Variants in PAK1 observed in about 807,000 individuals in gnomAD.
PAK1 encodes serine/threonine-protein kinase PAK 1.
PAK1 carries 29 observed loss-of-function variants against 67.4 expected under a neutral mutation model. The ratio of observed to expected loss-of-function variants is 0.43; its 90% CI spans 0.32 to 0.59. The LOEUF (loss-of-function observed/expected upper bound fraction) is 0.59. PAK1 is among the 20% of genes least tolerant of loss of function. The pLI, the probability that PAK1 is intolerant of heterozygous loss-of-function variation, is 0.07. For missense variants in PAK1, 337 were observed against 670.7 expected (o/e 0.50, Z 5.50); for synonymous variants, 223 against 237.4 (o/e 0.94, Z 0.56).
chr11:77,340,723 A>G lies in PAK1; in HGVS notation c.1039T>C (p.Leu347=). The G allele has an allele frequency of 6.2e-7, 1 of 1,610,128 alleles. No homozygotes were observed. Residue 347 remains leucine, a synonymous_variant, in exon 11 of 15, where the codon TTG becomes CTG. Transcript: ENST00000356341. ...GDELWVVMEY[L]AGGSLTDVVT... is the part of the protein sequence containing the mutation. The stretch of plus-strand genomic sequence containing the variant: ...ACATCTGTCAAGGAGCCTCCAGCCA[A>G]GTATTCCATAACAACCCACAGCTCA...
intron 1 of PAK1, among the ~76,000 whole-genome samples, chr11:77,457,358 T>A (rs1399011855): frequency 6.6e-6 from 1 of 152,186 alleles, no homozygotes; most frequent in African/African-American, 2.4e-5. Flanking sequence ...CAACTTCTGT[T>A]TCCATGGTTT....
intron 2 of PAK1, among the ~76,000 whole-genome samples, chr11:77,385,836 C>T (rs1310569099): frequency 6.6e-6 from 1 of 151,726 alleles, no homozygotes; most frequent in Non-Finnish European, 1.5e-5. Context: ...CTAGCCCGGA[C>T]AACAGAGCGT....
chr11:77,323,429 CAT>C (rs1208355146), intron 14 of PAK1, 69 bp from the exon 15 acceptor site: 4 of 1,017,472 alleles, frequency 3.9e-6, no homozygotes, highest in Non-Finnish European at 6.2e-6. Context: ...CATTACAAGA[CAT>C]AAAGGCATCT....
At chr11:77,394,063 G>A (rs1951515791) in intron 1 of PAK1, among the ~76,000 whole-genome samples, 2 of 152,132 alleles carry the variant, frequency 1.3e-5, no homozygotes. Context: ...TAATGAAAAT[G>A]TTATTATCTT....
intron 1 of PAK1, among the ~76,000 whole-genome samples, chr11:77,406,051 A>G (rs1321205957): frequency 6.6e-6 from 1 of 151,964 alleles, no homozygotes; most frequent in Non-Finnish European, 1.5e-5. Context: ...GTCTACTCCT[A>G]CCTCGTTTGC....
chr11:77,347,020 T>C, intron 9 of PAK1: 2 of 456,166 alleles, frequency 4.4e-6, no homozygotes, highest in African/African-American at 4.0e-5. Context: ...TAACCCCCAA[T>C]AAGCAAGAAC....
intron 1 of PAK1, among the ~76,000 whole-genome samples, chr11:77,471,725 G>A (rs1382453574): frequency 1.3e-5 from 2 of 152,190 alleles, no homozygotes; most frequent in Non-Finnish European, 2.9e-5. Context: ...GTCAGGGGTA[G>A]GGGGCGCTGA....
intron 8 of PAK1, among the ~76,000 whole-genome samples, chr11:77,350,171 C>A (rs113286085): frequency 0.024 from 3,597 of 152,132 alleles, 151 homozygotes; most frequent in African/African-American, 0.081. Flanking sequence ...TCATTTATTC[C>A]ATCAACAGGA....
chr11:77,478,404 T>C (rs1009189671), upstream of PAK1, among the ~76,000 whole-genome samples: 14 of 152,162 alleles, frequency 9.2e-5, no homozygotes, highest in African/African-American at 3.4e-4. Context: ...CTTCTTACAC[T>C]TTCTTTGACC....
chr11:77,410,318 C>T (rs1954315145), intron 1 of PAK1, among the ~76,000 whole-genome samples: 1 of 152,048 alleles, frequency 6.6e-6, no homozygotes, highest in Admixed American at 6.5e-5. Context: ...CTTGCTGCCC[C>T]ACCACCACCA....
chr11:77,499,412 T>C, the PAK1 span, among the ~76,000 whole-genome samples: 73 of 152,274 alleles, frequency 4.8e-4, no homozygotes, highest in African/African-American at 1.7e-3. Flanking sequence ...TACATGTAAA[T>C]AAATATATTT....
chr11:77,357,887 T>C (rs2136559987), intron 6 of PAK1, among the ~76,000 whole-genome samples: 1 of 150,462 alleles, frequency 6.6e-6, no homozygotes, highest in Middle Eastern at 3.4e-3. Flanking sequence ...TGTTCATGGT[T>C]TAGTGGGGAA....
chr11:77,529,790 A>G, the PAK1 span, among the ~76,000 whole-genome samples: 4 of 152,234 alleles, frequency 2.6e-5, no homozygotes, highest in East Asian at 7.7e-4. Context: ...TACAAAGGCA[A>G]GAAGACGGAA....
chr11:77,366,425 CAT>C (rs929731236), intron 5 of PAK1, among the ~76,000 whole-genome samples: 1 of 152,172 alleles, frequency 6.6e-6, no homozygotes, highest in Non-Finnish European at 1.5e-5. Flanking sequence ...TGCACACACA[CAT>C]ATACACATAC....
chr11:77,392,032 AT>A (rs962416964), intron 2 of PAK1, among the ~76,000 whole-genome samples: 3 of 152,332 alleles, frequency 2.0e-5, no homozygotes, highest in African/African-American at 7.2e-5. Flanking sequence ...TTTTTCTTAC[AT>A]TTTGTGGCTT....
intron 11 of PAK1, among the ~76,000 whole-genome samples, chr11:77,337,811 A>T (rs1942963081): frequency 6.6e-6 from 1 of 152,234 alleles, no homozygotes; most frequent in Non-Finnish European, 1.5e-5. Flanking sequence ...TATTTGAGGA[A>T]GCAGACATAT....
At chr11:77,513,670 C>CAAAA in the PAK1 span, among the ~76,000 whole-genome samples, 5 of 52,926 alleles carry the variant, frequency 9.4e-5, no homozygotes, top group African/African-American at 1.6e-4. Context: ...GACTCTGTCT[C>CAAAA]AAAAAAAAAA....
At chr11:77,502,650 T>C in the PAK1 span, among the ~76,000 whole-genome samples, 1 of 152,158 alleles carries the variant, frequency 6.6e-6, no homozygotes, top group Non-Finnish European at 1.5e-5. Flanking sequence ...GCATCAGGCT[T>C]CTTCGCAGGA....
rs1941939135 is a variant in PAK1, at chr11:77,332,743, T to G, written c.1538A>C (p.Lys513Thr). Residue 513 changes from lysine to threonine, a missense_variant, in exon 14 of 15, where the codon AAA becomes ACA. By Grantham distance (78) the Lys-to-Thr change is moderately conservative. This residue lies in a region of PAK1 where 71 missense variants were observed against 160.5 expected (regional missense o/e 0.44). Coordinates refer to ENST00000356341, the MANE Select transcript of PAK1 (RefSeq NM_002576.5). ...EMDVEKRGSA[K>T]ELLQHQFLKI... is the part of the protein sequence containing the mutation. ...AAGGACAGTTACCTGTAGCAGCTCTTTAGCTGAACCTCTCTTCTCCACATC... is the reference window on the plus strand; with the variant it reads ...AAGGACAGTTACCTGTAGCAGCTCTGTAGCTGAACCTCTCTTCTCCACATC... 6.2e-7 allele frequency: 1 copy of G among 1,613,836 alleles called. No individual in the cohort carries two copies. Among genetic ancestry groups the G allele is most frequent in the Non-Finnish European group, 8.5e-7 (1 of 1,179,776 alleles).
Sources: allele counts gnomAD v4.1 joint callset (sites outside exome capture counted in the v4.1 genomes callset), GRCh38; gene constraint gnomAD v4.1.1; regional missense constraint gnomAD v4.1.1; transcripts MANE v1.5; gene names NCBI Gene and HGNC (gene_info 2026-07-23, HGNC 2026-07-21).